The following RABL3 variants were observed in gnomAD, a reference collection of about 807,000 sequenced individuals.
RABL3 encodes the protein rab-like protein 3.
A neutral mutation model predicts 31.8 loss-of-function variants in RABL3; 31 were observed. That is an observed-to-expected ratio of 0.97 (90% CI 0.73 to 1.31). The LOEUF is 1.31. Among genes scored for constraint, RABL3 ranks in the 40% most tolerant of loss-of-function variants. RABL3 has a pLI of 0.00. For missense variants in RABL3, 263 were observed against 279.6 expected (o/e 0.94, Z 0.42); for synonymous variants, 97 against 99.9 (o/e 0.97, Z 0.18).
At chr3:120,702,651 A>G (rs1708505961) in intron 4 of RABL3, among the ~76,000 whole-genome samples, 1 of 149,836 alleles carries the variant, frequency 6.7e-6, no homozygotes, top group South Asian at 2.1e-4. Flanking sequence ...TCCGTCTCCC[A>G]GGTTCATGCC....
At chr3:120,697,974 A>C (rs1708455275) in intron 5 of RABL3, among the ~76,000 whole-genome samples, 1 of 152,182 alleles carries the variant, frequency 6.6e-6, no homozygotes, top group South Asian at 2.1e-4. Flanking sequence ...TAGCCTGGGC[A>C]ACATGGCAAA....
At chr3:120,715,673 T>A (rs921892543) in intron 2 of RABL3, among the ~76,000 whole-genome samples, 1 of 152,162 alleles carries the variant, frequency 6.6e-6, no homozygotes, top group Non-Finnish European at 1.5e-5. Context: ...TTTTAATCAA[T>A]TTAAATTTAA....
intron 7 of RABL3, 144 bp from the exon 8 acceptor site, chr3:120,690,032 C>T (rs1708361405): frequency 1.6e-6 from 1 of 623,786 alleles, no homozygotes; most frequent in Admixed American, 2.8e-5. Flanking sequence ...CTCAGAAAAC[C>T]ACAGATTAAA....
intron 2 of RABL3, among the ~76,000 whole-genome samples, chr3:120,726,362 T>C (rs182751130): frequency 1.1e-4 from 16 of 152,326 alleles, no homozygotes; most frequent in Admixed American, 9.8e-4. Flanking sequence ...TGGTGGCTTA[T>C]GCCTCTAATC....
chr3:120,690,490 G>C lies in RABL3; in HGVS notation c.607-3C>G, dbSNP rs774990375. On this transcript the variant is annotated splice_polypyrimidine_tract_variant and splice_region_variant and intron_variant, in intron 6 of 7. Transcript: ENST00000273375. ...AAAAAGTATCTCTTCTCTATGACCTGTGAAAAACAAAGATTTTAAAGGCTT... is the reference window on the plus strand; with the variant it reads ...AAAAAGTATCTCTTCTCTATGACCTCTGAAAAACAAAGATTTTAAAGGCTT... 4 of 1,602,586 alleles carry C rather than the reference G, an allele frequency of 2.5e-6. No homozygotes were observed. The highest frequency in any genetic ancestry group is 3.4e-6 in the Non-Finnish European group (4 of 1,170,176).
chr3:120,706,143 T>A, intron 3 of RABL3, 29 bp from the exon 4 acceptor site: 1 of 1,360,106 alleles, frequency 7.4e-7, no homozygotes, highest in Non-Finnish European at 1.1e-6. Context: ...ACAATGTTAA[T>A]CCCTTAACAA....
At chr3:120,696,234 GTTAA>G (rs1452894074) in intron 5 of RABL3, among the ~76,000 whole-genome samples, 1 of 152,142 alleles carries the variant, frequency 6.6e-6, no homozygotes, top group African/African-American at 2.4e-5. Context: ...GTATACATTT[GTTAA>G]TTCTTACTTT....
intron 1 of RABL3, among the ~76,000 whole-genome samples, chr3:120,735,539 T>C (rs1163526512): frequency 6.6e-6 from 1 of 152,170 alleles, no homozygotes; most frequent in Admixed American, 6.5e-5. Flanking sequence ...TGTGTCTCTA[T>C]GTCCTTCAGT....
chr3:120,691,916 C>T (rs1384157331), intron 6 of RABL3, among the ~76,000 whole-genome samples: 2 of 152,152 alleles, frequency 1.3e-5, no homozygotes, highest in East Asian at 1.9e-4. Context: ...CTCTCTGGTG[C>T]GACAGCCATT....
At chr3:120,698,275 A>G in intron 5 of RABL3, 148 bp downstream of exon 5, 1 of 736,994 alleles carries the variant, frequency 1.4e-6, no homozygotes, top group Non-Finnish European at 2.2e-6. Context: ...AGATATGTTG[A>G]TTCCAATCTT....
intron 1 of RABL3, among the ~76,000 whole-genome samples, chr3:120,736,799 T>A (rs1708972647): frequency 6.6e-6 from 1 of 152,206 alleles, no homozygotes; most frequent in South Asian, 2.1e-4. Context: ...TGAAGCTTAG[T>A]TTGGCTGGAT....
At chr3:120,722,716 A>T (rs1322132568) in intron 2 of RABL3, 6 of 152,242 alleles carry the variant, frequency 3.9e-5, no homozygotes, top group Non-Finnish European at 8.8e-5. Context: ...TAACGAAATG[A>T]AGGCAGAAAT....
rs1342000675 is a variant in RABL3 at position 120,709,887 on chromosome 3, G to A, written c.161C>T (p.Thr54Ile). 6.2e-7 allele frequency: 1 copy of A among 1,601,336 alleles called. No individual in the cohort carries two copies. The highest frequency in any genetic ancestry group is 1.3e-5 in the African/African-American group (1 of 74,180). Residue 54 changes from threonine to isoleucine, a missense_variant, in exon 3 of 8, where the codon ACC (threonine) becomes ATC (isoleucine). Coordinates refer to ENST00000273375, the MANE Select transcript of RABL3 (RefSeq NM_173825.5). ...DVRVHDYKEG[T>I]PEEKTYYIEL... ...TATGTAGTAGGTCTTCTCTTCTGGG[G>A]TTCCTTCTTTGTAATCATGAACCTA... is the stretch of plus-strand genomic sequence containing the variant.
chr3:120,713,105 C>A (rs1244312097), intron 2 of RABL3, among the ~76,000 whole-genome samples: 1 of 152,096 alleles, frequency 6.6e-6, no homozygotes, highest in Non-Finnish European at 1.5e-5. Context: ...CTGAGAATAG[C>A]CATCATCCAA....
At chr3:120,721,074 C>A (rs529113545) in intron 2 of RABL3, among the ~76,000 whole-genome samples, 19 of 152,318 alleles carry the variant, frequency 1.2e-4, no homozygotes, top group African/African-American at 2.9e-4. Context: ...AATTTCATAT[C>A]CAGCCAAACT....
Position 120,705,981 on chromosome 3 carries a change from A to T in RABL3, c.383+19T>A. 7.2e-7 allele frequency: 1 copy of T among 1,381,796 alleles called. No homozygotes were observed. Among genetic ancestry groups the T allele is most frequent in the Non-Finnish European group, 1.0e-6 (1 of 967,868 alleles). The allele number at this position is 1,381,796 out of a possible 1,614,324, so 85.6% of individuals were successfully genotyped here. A position where few individuals can be genotyped will look rare whatever the true frequency, so the allele number is the denominator to read the frequency against. On this transcript the variant is annotated intron_variant, in intron 4 of 7. Transcript: ENST00000273375. ...TGTGATTGCTACAATCTTTCAAACC[A>T]ATTGTGAAATTGGCTCACCCATTTG...
chr3:120,732,814 T>C (rs1426235446), intron 1 of RABL3, among the ~76,000 whole-genome samples: 4 of 151,618 alleles, frequency 2.6e-5, no homozygotes, highest in Admixed American at 6.6e-5. Flanking sequence ...CAAGTGGTGT[T>C]TGGTTTTTTG....
At chr3:120,720,154 G>C (rs1708720473) in intron 2 of RABL3, among the ~76,000 whole-genome samples, 2 of 152,190 alleles carry the variant, frequency 1.3e-5, no homozygotes, top group South Asian at 4.1e-4. Flanking sequence ...CTAACAAACA[G>C]AAAGGACATC....
chr3:120,737,196 C>G (rs1708978621), intron 1 of RABL3, among the ~76,000 whole-genome samples: 1 of 152,160 alleles, frequency 6.6e-6, no homozygotes. Context: ...GCACATAGTC[C>G]CATATTTCTT....
Sources: gnomAD v4.1 joint callset for allele counts (sites outside exome capture counted in the v4.1 genomes callset) on GRCh38, gnomAD v4.1.1 for gene constraint, MANE v1.5 for transcripts, NCBI Gene and HGNC (gene_info 2026-07-23, HGNC 2026-07-21) for gene names.